Variants in RTTN observed in about 807,000 individuals in gnomAD.
RTTN encodes the protein rotatin.
A neutral mutation model predicts 269.2 loss-of-function variants in RTTN; 182 were observed. That is an observed-to-expected ratio of 0.68 (90% CI 0.60 to 0.76). The LOEUF (loss-of-function observed/expected upper bound fraction) is 0.76, where lower values mean the gene tolerates loss of function less well. Among genes scored for constraint, RTTN ranks in the 30% least tolerant of loss-of-function variants. The pLI is 0.00. For missense variants in RTTN, 2,545 were observed against 2,608.6 expected, an observed-to-expected ratio of 0.98 and a Z score of 0.53; for synonymous variants, 1,006 against 963.5, an observed-to-expected ratio of 1.04 and a Z score of -0.82.
Position 70,205,280 on chromosome 18 carries a change from T to G in RTTN, c.67A>C (p.Lys23Gln), listed in dbSNP as rs1472052203. ...QLAEIRERAL[K>Q]SILCKIEHNL... ...TGCTCAATCTTGCAGAGAATACTCT[T>G]GAGAGCGCGCTCCCTGATCTCGGCC... The change falls in exon 2 of 49, where the codon AAG becomes CAG. Residue 23 changes from lysine (K) to glutamine (Q), a missense_variant. Physicochemically the swap from Lys to Gln is moderately conservative, Grantham distance 53 (BLOSUM62 1). Coordinates refer to ENST00000640769, the MANE Select transcript of RTTN (RefSeq NM_173630.4). 2 of 1,614,188 alleles carry G rather than the reference T, an allele frequency of 1.2e-6. No homozygotes were observed. The highest frequency in any genetic ancestry group is 1.3e-5 in the African/African-American group (1 of 75,036).
At chr18:70,031,869 A>G (rs933001596) in intron 40 of RTTN, among the ~76,000 whole-genome samples, 4 of 152,016 alleles carry the variant, frequency 2.6e-5, no homozygotes, top group Non-Finnish European at 5.9e-5. Context: ...GCTCGGGGCT[A>G]CCAAGCACCA....
At position 70,017,570 on chromosome 18, in the gene RTTN, T is replaced by G; in HGVS notation, c.6258A>C (p.Ser2086=). ...TCATTTGTTGCCCATCTTCTCCAGA[T>G]GATATATTCAGGAGTAACTTCAACC... ...ILWLKLLLNI[S]SGEDGQQMIL... The change falls in exon 46 of 49, where the codon TCA becomes TCC. Residue 2086 remains serine, a synonymous_variant. Coordinates refer to ENST00000640769, the MANE Select transcript of RTTN (RefSeq NM_173630.4). The G allele has an allele frequency of 1.2e-6, 2 of 1,614,028 alleles. No homozygotes were observed. Among genetic ancestry groups the G allele is most frequent in the Non-Finnish European group, 1.7e-6 (2 of 1,179,930 alleles).
chr18:70,087,818 C>T (rs910209979), intron 31 of RTTN, among the ~76,000 whole-genome samples, 171 bp downstream of exon 31: 22 of 152,124 alleles, frequency 1.4e-4, no homozygotes, highest in African/African-American at 5.3e-4. Context: ...TCCAGTTTTT[C>T]CTGTGCATGA....
chr18:70,196,891 T>C (rs1308430378), intron 6 of RTTN, among the ~76,000 whole-genome samples: 1 of 152,222 alleles, frequency 6.6e-6, no homozygotes, highest in Non-Finnish European at 1.5e-5. Context: ...ATTTCTAAAA[T>C]CTGTTAGTTG....
intron 3 of RTTN, among the ~76,000 whole-genome samples, chr18:70,202,888 T>C (rs2061986548): frequency 6.6e-6 from 1 of 152,102 alleles, no homozygotes. Context: ...ATTGTTGTTG[T>C]GAACCGCAGT....
chr18:70,028,652 T>G, intron 43 of RTTN, 72 bp downstream of exon 43: 1 of 840,736 alleles, frequency 1.2e-6, no homozygotes, highest in South Asian at 1.8e-5. Flanking sequence ...TCCTACTACA[T>G]TATCTCACAT....
intron 10 of RTTN, among the ~76,000 whole-genome samples, chr18:70,178,657 T>G (rs1263300646): frequency 6.6e-6 from 1 of 151,942 alleles, no homozygotes; most frequent in Non-Finnish European, 1.5e-5. Context: ...AATTAAAAAT[T>G]TATATATAAA....
In RTTN at chr18:70,109,426, A is replaced by G. The variant is rs1017190468; in HGVS notation, c.3903+72T>C. 4 of 1,044,284 alleles carry G rather than the reference A, an allele frequency of 3.8e-6. No individual in the cohort carries two copies. The African/African-American group carries it at 4.7e-5, about 12-fold the overall frequency. 64.7% of individuals were successfully genotyped at this position (1,044,284 alleles called of 1,614,324 possible). The stretch of plus-strand genomic sequence containing the variant: ...TTCTACATTGAATAGAGTAACGTAT[A>G]ATGCACTTGTGGCCTGGCATAAAGT... On this transcript the variant is annotated intron_variant, in intron 28 of 48. Coordinates refer to ENST00000640769, the MANE Select transcript of RTTN (RefSeq NM_173630.4).
intron 32 of RTTN, 21 bp from the exon 33 acceptor site, chr18:70,075,562 AAGG>A (rs745532209): frequency 7.8e-6 from 12 of 1,529,350 alleles, no homozygotes; most frequent in East Asian, 7.2e-5. Context: ...AGAGGGAAAG[AAGG>A]AGGAGACACT....
rs1461313677 is a variant in RTTN at position 70,003,517 on chromosome 18, C to T, written c.*634G>A. On this transcript the variant is annotated 3_prime_UTR_variant, in exon 49 of 49. Coordinates refer to ENST00000640769, the MANE Select transcript of RTTN (RefSeq NM_173630.4). ...TAAGAGTCATCTAGGAAGAAGATAA[C>T]ATCACTAAAACTTGCCTAAGAAAGC... The T allele has an allele frequency of 6.6e-6, 1 of 152,206 alleles. No individual in the cohort carries two copies. The highest frequency in any genetic ancestry group is 1.5e-5 in the Non-Finnish European group (1 of 68,044). The allele number at this position is 152,206 out of a possible 1,614,324, so 9.4% of individuals were successfully genotyped here.
At chr18:70,013,689 A>G (rs2056461789) in intron 46 of RTTN, among the ~76,000 whole-genome samples, 2 of 152,194 alleles carry the variant, frequency 1.3e-5, no homozygotes, top group African/African-American at 4.8e-5. Flanking sequence ...CCTTAATATA[A>G]TAATTGAATA....
chr18:70,167,492 C>T (rs1203139062), intron 12 of RTTN, among the ~76,000 whole-genome samples: 1 of 152,132 alleles, frequency 6.6e-6, no homozygotes, highest in Non-Finnish European at 1.5e-5. Context: ...GAGGCCGAGG[C>T]GGGCAGATCA....
chr18:70,147,645 T>G (rs1316684171), intron 17 of RTTN, among the ~76,000 whole-genome samples: 1 of 152,124 alleles, frequency 6.6e-6, no homozygotes, highest in African/African-American at 2.4e-5. Flanking sequence ...TGGGATGGGG[T>G]AGAATTAATA....
At chr18:70,158,863 T>C (rs566028643) in intron 14 of RTTN, among the ~76,000 whole-genome samples, 3 of 151,744 alleles carry the variant, frequency 2.0e-5, no homozygotes, top group African/African-American at 7.2e-5. Flanking sequence ...CATTACATAA[T>C]GATAAAGGGT....
At position 70,023,187 on chromosome 18, in the gene RTTN, A is replaced by G. The variant is rs555804647; in HGVS notation, c.5950+1535T>C. ...CTCCCATAGTCACACTGGATCCTCT[A>G]TCCCAGTCAAGACTTCAGATGATTG... On this transcript the variant is annotated intron_variant, in intron 44 of 48. Coordinates refer to ENST00000640769, the MANE Select transcript of RTTN (RefSeq NM_173630.4). 5.9e-5 allele frequency among the ~76,000 whole-genome samples: 9 copies of G among 152,322 alleles called. No homozygotes were observed. The South Asian group carries it at 1.0e-3, about 18-fold the overall frequency.
chr18:70,117,014 ACTC>A (rs3062036), intron 26 of RTTN, among the ~76,000 whole-genome samples: 129,154 of 151,860 alleles, frequency 0.85, 57,163 homozygotes, highest in East Asian at 1. Flanking sequence ...GGTGCAATAA[ACTC>A]CTAAATTGCC....
intron 20 of RTTN, 38 bp from the exon 21 acceptor site, chr18:70,139,754 C>A: frequency 8.0e-7 from 1 of 1,252,504 alleles, no homozygotes; most frequent in Non-Finnish European, 1.2e-6. Context: ...TCATTTTCAC[C>A]AATTATCAGG....
Position 70,188,119 on chromosome 18 carries a change from C to G in RTTN, c.1294G>C (p.Gly432Arg), listed in dbSNP as rs1333513655. The change falls in exon 10 of 49, where the codon GGT (glycine) becomes CGT (arginine). Residue 432 changes from glycine to arginine, a missense_variant. Gly to Arg is a moderately radical substitution (Grantham distance 125). Coordinates refer to ENST00000640769, the MANE Select transcript of RTTN (RefSeq NM_173630.4). Reference sequence around the variant, plus strand: ...ACATTGATTCTTACCATATCTATACCAAAAAGGCTGCTGTCATCCCAGATA... The same window carrying G: ...ACATTGATTCTTACCATATCTATACGAAAAAGGCTGCTGTCATCCCAGATA... ...TDIWDDSSLF[G>R]IDMKEKLLLV... 2 of 1,587,864 alleles carry G rather than the reference C, an allele frequency of 1.3e-6. No homozygotes were observed. The highest frequency in any genetic ancestry group is 1.7e-6 in the Non-Finnish European group (2 of 1,156,852).
chr18:70,176,717 C>T lies in RTTN; in HGVS notation c.1434G>A (p.Leu478=), dbSNP rs375170035. 1 of 1,613,722 alleles carries T rather than the reference C, an allele frequency of 6.2e-7. No homozygotes were observed. Among genetic ancestry groups the T allele is most frequent in the Non-Finnish European group, 8.5e-7 (1 of 1,179,850 alleles). ...GCGTTTGTAGCAGTCGAACTGCAAA[C>T]AGGGAAATGCTGATAAAGGCCATTC... The part of the protein sequence containing the change: ...HHRMAFISIS[L]FAVRLLQTLL... The change falls in exon 11 of 49, where the codon CTG becomes CTA. Residue 478 remains leucine (L), a synonymous_variant. Transcript: ENST00000640769.
Sources: allele counts gnomAD v4.1 joint callset (sites outside exome capture counted in the v4.1 genomes callset), GRCh38; gene constraint gnomAD v4.1.1; transcripts MANE v1.5; gene names NCBI Gene and HGNC (gene_info 2026-07-23, HGNC 2026-07-21).